The following PPIL4 variants were observed in gnomAD, a reference collection of about 807,000 sequenced individuals.
PPIL4 encodes the protein peptidyl-prolyl cis-trans isomerase-like 4.
A neutral mutation model predicts 69.1 loss-of-function variants in PPIL4; 50 were observed. The observed-to-expected ratio is 0.72, with a 90% CI of 0.58 to 0.92. The LOEUF is 0.92. PPIL4 is among the 40% of genes least tolerant of loss of function. The pLI is 0.00. For missense variants in PPIL4, 480 were observed against 587.9 expected (o/e 0.82, Z 1.90); for synonymous variants, 193 against 191.6 (o/e 1.01, Z -0.06).
chr6:149,504,901 A>G lies in PPIL4; in HGVS notation c.*552T>C, dbSNP rs1312890330. On this transcript the variant is annotated 3_prime_UTR_variant, in exon 13 of 13. Coordinates refer to ENST00000253329, the MANE Select transcript of PPIL4 (RefSeq NM_139126.4). ...ATTTATATAATACTATATAGCAATA[A>G]AAATGAAAGAAAGTCACAGAAGTAA... 1.3e-5 allele frequency: 2 copies of G among 152,414 alleles called. No homozygotes were observed. Among genetic ancestry groups the G allele is most frequent in the Non-Finnish European group, 2.9e-5 (2 of 68,216 alleles). 9.4% of individuals were successfully genotyped at this position (152,414 alleles called of 1,614,324 possible).
At chr6:149,512,332 T>C in intron 11 of PPIL4, 30 bp from the exon 12 acceptor site, 7 of 1,542,686 alleles carry the variant, frequency 4.5e-6, no homozygotes, top group Non-Finnish European at 6.2e-6. Context: ...ATAAATGTGA[T>C]AAATAATACT....
intron 11 of PPIL4, among the ~76,000 whole-genome samples, chr6:149,514,883 C>G (rs1029871338): frequency 6.6e-6 from 1 of 151,358 alleles, no homozygotes; most frequent in African/African-American, 2.4e-5. Flanking sequence ...GTTGCCCAGG[C>G]TGGAGTACAA....
In PPIL4 at chr6:149,509,945, A is replaced by G. The variant is rs140633887; in HGVS notation, c.1227+2210T>C. 2.0e-3 allele frequency among the ~76,000 whole-genome samples: 298 copies of G among 152,302 alleles called. 1 individual carries two copies. The highest frequency in any genetic ancestry group is 3.6e-3 in the Non-Finnish European group (243 of 68,016). On this transcript the variant is annotated intron_variant, in intron 12 of 12. Transcript: ENST00000253329. ...TTTTTCTTTTATTTAAAATTTTTATAGAGACAGGGCCTCCTATGTTGCCCA... is the reference window on the plus strand; with the variant it reads ...TTTTTCTTTTATTTAAAATTTTTATGGAGACAGGGCCTCCTATGTTGCCCA...
chr6:149,529,234 A>G (rs1302481940), intron 7 of PPIL4, among the ~76,000 whole-genome samples: 2 of 151,910 alleles, frequency 1.3e-5, no homozygotes, highest in Non-Finnish European at 2.9e-5. Flanking sequence ...TCTAAAAAAA[A>G]AAAACAAAAA....
At chr6:149,520,784 C>A (rs1363232472) in intron 10 of PPIL4, among the ~76,000 whole-genome samples, 1 of 152,002 alleles carries the variant, frequency 6.6e-6, no homozygotes, top group Non-Finnish European at 1.5e-5. Context: ...GAGGCCAAGG[C>A]GGTGGATTAC....
intron 1 of PPIL4, among the ~76,000 whole-genome samples, chr6:149,544,227 A>C (rs1777406732): frequency 6.6e-6 from 1 of 152,184 alleles, no homozygotes; most frequent in Non-Finnish European, 1.5e-5. Flanking sequence ...AGAGATAAAA[A>C]ACAAAATTCC....
At chr6:149,519,609 C>T (rs953374019) in intron 10 of PPIL4, among the ~76,000 whole-genome samples, 3 of 152,130 alleles carry the variant, frequency 2.0e-5, no homozygotes, top group African/African-American at 7.2e-5. Context: ...AACTCCAATC[C>T]AAGTCACCCT....
At position 149,534,754 on chromosome 6, in the gene PPIL4, A is replaced by G; in HGVS notation, c.485T>C (p.Leu162Ser). The G allele has an allele frequency of 6.3e-7, 1 of 1,577,786 alleles. No individual in the cohort carries two copies. The highest frequency in any genetic ancestry group is 8.7e-7 in the Non-Finnish European group (1 of 1,151,364). ...AGGAGGGTCATCAAATGGATCATCTAAAATCACCGTATGATTTATCCTTAC... is the reference window on the plus strand; with the variant it reads ...AGGAGGGTCATCAAATGGATCATCTGAAATCACCGTATGATTTATCCTTAC... ...QDIRINHTVILDDPFDDPPDL... is the reference protein window; with the variant it reads ...QDIRINHTVISDDPFDDPPDL... Residue 162 changes from leucine (L) to serine (S), a missense_variant, in exon 6 of 13, where the codon TTA becomes TCA. Coordinates refer to ENST00000253329, the MANE Select transcript of PPIL4 (RefSeq NM_139126.4).
chr6:149,517,943 G>C (rs1776974384), intron 10 of PPIL4: 1 of 153,214 alleles, frequency 6.5e-6, no homozygotes, highest in Admixed American at 6.5e-5. Context: ...AGTGAGCCGA[G>C]ATCGTGCCAC....
chr6:149,530,015 G>A (rs1341181350), intron 7 of PPIL4, among the ~76,000 whole-genome samples: 1 of 152,008 alleles, frequency 6.6e-6, no homozygotes, highest in Admixed American at 6.6e-5. Context: ...TGAACAGGTG[G>A]AGCCCAGGGG....
chr6:149,540,313 A>G (rs1384061247), intron 4 of PPIL4, among the ~76,000 whole-genome samples: 1 of 151,888 alleles, frequency 6.6e-6, no homozygotes, highest in Non-Finnish European at 1.5e-5. Context: ...TGTTTTTAAA[A>G]AAGTAAGAAA....
chr6:149,543,802 T>C (rs913520791), intron 1 of PPIL4, among the ~76,000 whole-genome samples: 3 of 152,218 alleles, frequency 2.0e-5, no homozygotes, highest in Admixed American at 6.5e-5. Context: ...TGAAGCAAGA[T>C]TGGCTATGTG....
At chr6:149,529,152 C>T (rs907435327) in intron 7 of PPIL4, among the ~76,000 whole-genome samples, 2 of 151,380 alleles carry the variant, frequency 1.3e-5, no homozygotes, top group African/African-American at 2.4e-5. Context: ...GACTGCTCAA[C>T]CTCAGTTCAA....
rs370597265 is a variant in PPIL4, at chr6:149,507,404, AT to A, written c.1228-1701del. ...CCTGAGGTAGAAAAAATGAGTAGGC[AT>A]TTTGGTTTAGCCTTTTGCCATCAAT... On this transcript the variant is annotated intron_variant, in intron 12 of 12. Transcript: ENST00000253329. Among the ~76,000 whole-genome samples the A allele has an allele frequency of 3.2e-3, 492 of 152,332 alleles. 10 individuals carry two copies. The South Asian group carries it at 0.069, about 21-fold the overall frequency.
At chr6:149,513,475 T>C (rs1460201077) in intron 11 of PPIL4, among the ~76,000 whole-genome samples, 1 of 136,226 alleles carries the variant, frequency 7.3e-6, no homozygotes, top group Non-Finnish European at 1.6e-5. Context: ...TTACTTTTAG[T>C]AGCAAAGTAG....
chr6:149,541,077 GT>G lies in PPIL4; in HGVS notation c.204-19del, dbSNP rs781290647. 89 of 1,413,496 alleles carry G rather than the reference GT, an allele frequency of 6.3e-5. No homozygotes were observed. The highest frequency in any genetic ancestry group is 8.6e-5 in the Non-Finnish European group (86 of 1,001,278). The allele number at this position is 1,413,496 out of a possible 1,614,324, so 87.6% of individuals were successfully genotyped here. On this transcript the variant is annotated intron_variant, in intron 3 of 12. Transcript: ENST00000253329. ...ACAGTTGGCTGAAAAAACATATAAG[GT>G]TATAAATGTAAGTACTCTCAAAATG... is the stretch of plus-strand genomic sequence containing the variant.
chr6:149,524,053 A>G (rs1777071041), intron 9 of PPIL4, among the ~76,000 whole-genome samples: 1 of 152,210 alleles, frequency 6.6e-6, no homozygotes, highest in Non-Finnish European at 1.5e-5. Flanking sequence ...ATGCTTTGTA[A>G]TAATTAGAAC....
intron 4 of PPIL4, among the ~76,000 whole-genome samples, chr6:149,536,507 T>C (rs938963342): frequency 7.2e-5 from 11 of 152,176 alleles, no homozygotes; most frequent in African/African-American, 2.7e-4. Context: ...ACATGAATGA[T>C]AAAATGAAAC....
chr6:149,531,836 ATTTT>A (rs1463955015), intron 7 of PPIL4, among the ~76,000 whole-genome samples: 1 of 151,822 alleles, frequency 6.6e-6, no homozygotes, highest in East Asian at 1.9e-4. Flanking sequence ...TACCCAGCTA[ATTTT>A]TGTATTTTTA....
Sources: gnomAD v4.1 joint callset for allele counts (sites outside exome capture counted in the v4.1 genomes callset) on GRCh38, gnomAD v4.1.1 for gene constraint, MANE v1.5 for transcripts, NCBI Gene and HGNC (gene_info 2026-07-23, HGNC 2026-07-21) for gene names.